Variants in GPHN observed in about 807,000 individuals in gnomAD.
GPHN encodes the protein gephyrin.
In GPHN, 17 loss-of-function variants were observed where a neutral mutation model predicts 95.5. The ratio of observed to expected loss-of-function variants is 0.18; its 90% confidence interval spans 0.12 to 0.27. GPHN has a LOEUF of 0.27. Among genes scored for constraint, GPHN ranks in the 10% least tolerant of loss-of-function variants. The probability of loss-of-function intolerance (pLI) is 1.00; values close to 1 mark genes in which losing one functional copy is unlikely to be tolerated. For missense variants in GPHN, 660 were observed against 978.1 expected (o/e 0.67, Z 4.34); for synonymous variants, 320 against 322.5 (o/e 0.99, Z 0.08).
At chr14:67,037,014 C>T (rs2074454817) in intron 10 of GPHN, among the ~76,000 whole-genome samples, 1 of 151,942 alleles carries the variant, frequency 6.6e-6, no homozygotes, top group South Asian at 2.1e-4. Context: ...GGAAGTCTTA[C>T]ATCTCTTGAT....
the GPHN span, among the ~76,000 whole-genome samples, chr14:67,322,369 T>C: frequency 1.3e-5 from 2 of 152,098 alleles, no homozygotes; most frequent in African/African-American, 2.4e-5. Context: ...CAAAAAAACC[T>C]AATTTTAGAA....
the GPHN span, among the ~76,000 whole-genome samples, chr14:67,506,505 C>A: frequency 6.6e-6 from 1 of 152,090 alleles, no homozygotes; most frequent in Non-Finnish European, 1.5e-5. Context: ...TCTCTCATCC[C>A]CCCAGTAGCA....
chr14:67,644,188 A>G, the GPHN span, among the ~76,000 whole-genome samples: 2 of 152,236 alleles, frequency 1.3e-5, no homozygotes, highest in Non-Finnish European at 1.5e-5. Context: ...AGATAAGTGC[A>G]TAACTTGAAT....
At chr14:67,457,226 G>A in the GPHN span, among the ~76,000 whole-genome samples, 4 of 152,134 alleles carry the variant, frequency 2.6e-5, no homozygotes, top group African/African-American at 4.8e-5. Context: ...CAAACCCTCA[G>A]ACACTCAATT....
At chr14:66,568,080 A>C (rs2060533574) in intron 1 of GPHN, among the ~76,000 whole-genome samples, 1 of 152,180 alleles carries the variant, frequency 6.6e-6, no homozygotes, top group Admixed American at 6.5e-5. Context: ...TTTTTAATGC[A>C]CTGTTAAAAA....
intron 1 of GPHN, among the ~76,000 whole-genome samples, chr14:66,666,560 G>T (rs2065971287): frequency 6.6e-6 from 1 of 152,050 alleles, no homozygotes. Context: ...ATTCAGAAAA[G>T]ATTTTTGATA....
At chr14:66,634,771 A>G (rs2064011035) in intron 1 of GPHN, among the ~76,000 whole-genome samples, 1 of 152,170 alleles carries the variant, frequency 6.6e-6, no homozygotes, top group African/African-American at 2.4e-5. Context: ...ATTAAATATT[A>G]AGAGCCTTTC....
At chr14:66,558,273 G>A (rs2060088152) in intron 1 of GPHN, among the ~76,000 whole-genome samples, 1 of 152,008 alleles carries the variant, frequency 6.6e-6, no homozygotes, top group African/African-American at 2.4e-5. Context: ...TATACTCCCA[G>A]TCAGAATTTA....
intron 1 of GPHN, among the ~76,000 whole-genome samples, chr14:66,537,447 T>A (rs941650588): frequency 1.3e-5 from 2 of 152,174 alleles, no homozygotes; most frequent in Non-Finnish European, 2.9e-5. Flanking sequence ...AATCTTGATT[T>A]TTTTTAGTGT....
chr14:67,091,194 A>T (rs1393322128), intron 12 of GPHN, among the ~76,000 whole-genome samples: 1 of 151,972 alleles, frequency 6.6e-6, no homozygotes, highest in Non-Finnish European at 1.5e-5. Flanking sequence ...GATTCACTTC[A>T]TTCAGCTTGA....
chr14:66,999,942 A>G (rs1178704632), intron 9 of GPHN, among the ~76,000 whole-genome samples: 2 of 151,832 alleles, frequency 1.3e-5, no homozygotes, highest in East Asian at 3.8e-4. Flanking sequence ...TACTGGTCCA[A>G]ATTGAACCCT....
chr14:66,716,696 TC>T, intron 2 of GPHN, among the ~76,000 whole-genome samples: 1 of 152,348 alleles, frequency 6.6e-6, no homozygotes, highest in East Asian at 1.9e-4. Flanking sequence ...TTTTAGCAGT[TC>T]TTGTAGTGGT....
the GPHN span, among the ~76,000 whole-genome samples, chr14:67,688,889 T>A: frequency 4.6e-5 from 7 of 152,222 alleles, no homozygotes; most frequent in South Asian, 6.2e-4. Context: ...CACCAATTCA[T>A]CCCCTGTCCC....
chr14:67,425,615 A>T, the GPHN span, among the ~76,000 whole-genome samples: 1 of 152,224 alleles, frequency 6.6e-6, no homozygotes, highest in African/African-American at 2.4e-5. Context: ...CGGCAAGACA[A>T]AGCAGGTGAA....
intron 21 of GPHN, among the ~76,000 whole-genome samples, chr14:67,174,127 G>T (rs561978040): frequency 1.4e-4 from 22 of 152,274 alleles, no homozygotes; most frequent in Admixed American, 1.2e-3. Flanking sequence ...CAACGTGCAG[G>T]TTTGTTACAT....
At chr14:66,585,342 C>T (rs1189348172) in intron 1 of GPHN, among the ~76,000 whole-genome samples, 1 of 152,056 alleles carries the variant, frequency 6.6e-6, no homozygotes, top group African/African-American at 2.4e-5. Context: ...AAAACCAGCT[C>T]CTGGATTCAT....
chr14:66,633,616 A>T (rs749949259), intron 1 of GPHN, among the ~76,000 whole-genome samples: 4 of 151,912 alleles, frequency 2.6e-5, no homozygotes, highest in African/African-American at 4.8e-5. Flanking sequence ...ATTTTTAATG[A>T]TTTTTTGCTG....
the GPHN span, among the ~76,000 whole-genome samples, chr14:67,391,874 C>T: frequency 5.9e-5 from 9 of 152,222 alleles, no homozygotes; most frequent in Non-Finnish European, 1.2e-4. Context: ...TTCAACCTAC[C>T]GACATGGTGG....
At chr14:67,372,035 TG>T in the GPHN span, among the ~76,000 whole-genome samples, 2 of 151,988 alleles carry the variant, frequency 1.3e-5, no homozygotes, top group Non-Finnish European at 2.9e-5. Flanking sequence ...GAGGCCTAGG[TG>T]GGGGGATCAC....
Sources: allele counts gnomAD v4.1 joint callset (sites outside exome capture counted in the v4.1 genomes callset), GRCh38; gene constraint gnomAD v4.1.1; transcripts MANE v1.5; gene names NCBI Gene and HGNC (gene_info 2026-07-23, HGNC 2026-07-21).